Variants in MTA3 observed in about 807,000 individuals in gnomAD.
MTA3 encodes the protein metastasis-associated protein MTA3.
In MTA3, 34 loss-of-function variants were observed where a neutral mutation model predicts 83.5. The observed-to-expected ratio is 0.41, with a 90% confidence interval of 0.31 to 0.54. MTA3 has a LOEUF of 0.54. Among genes scored for constraint, MTA3 ranks in the 20% least tolerant of loss-of-function variants. The pLI, the probability that MTA3 is intolerant of heterozygous loss-of-function variation, is 0.33. For missense variants in MTA3, 761 were observed against 726.4 expected, an observed-to-expected ratio of 1.05 and a Z score of -0.55; for synonymous variants, 303 against 252.7, an observed-to-expected ratio of 1.20 and a Z score of -1.89.
intron 4 of MTA3, among the ~76,000 whole-genome samples, chr2:42,629,575 G>A (rs1042223403): frequency 6.6e-6 from 1 of 152,104 alleles, no homozygotes; most frequent in African/African-American, 2.4e-5. Flanking sequence ...CAAGGAGGTG[G>A]GAGGAAACCT....
Position 42,720,974 on chromosome 2 carries a change from A to T in MTA3, c.1612+1900A>T, listed in dbSNP as rs532128345. Among the ~76,000 whole-genome samples, 50 of 142,396 alleles carry T rather than the reference A, an allele frequency of 3.5e-4. 1 individual carries two copies. The East Asian group carries it at 9.9e-3, about 28-fold the overall frequency. 93.4% of individuals were successfully genotyped at this position (142,396 alleles called of 152,430 possible). Reference sequence around the variant, plus strand: ...CTCAAAAAAAAAAAAAAAAAAAAAAAGAAAAGAAAAGAAAAAAAGAATATA... The same window carrying T: ...CTCAAAAAAAAAAAAAAAAAAAAAATGAAAAGAAAAGAAAAAAAGAATATA... On this transcript the variant is annotated intron_variant, in intron 15 of 16. Transcript: ENST00000405094.
chr2:42,619,554 T>G (rs1344071275), intron 4 of MTA3, among the ~76,000 whole-genome samples: 3 of 152,156 alleles, frequency 2.0e-5, no homozygotes, highest in African/African-American at 7.2e-5. Context: ...TAAATAAATG[T>G]GGGATATATC....
At chr2:42,574,182 T>C (rs1039554627) in intron 2 of MTA3, among the ~76,000 whole-genome samples, 11 of 145,628 alleles carry the variant, frequency 7.6e-5, no homozygotes, top group African/African-American at 2.8e-4. Flanking sequence ...TTGCCCAGGC[T>C]GGAGTACAAT....
At position 42,755,163 on chromosome 2, in the gene MTA3, A is replaced by G; in HGVS notation, c.*1764A>G. The G allele has an allele frequency of 2.0e-6, 2 of 985,472 alleles. No individual in the cohort carries two copies. Among genetic ancestry groups the G allele is most frequent in the East Asian group, 1.1e-4 (1 of 8,810 alleles). 61.0% of individuals were successfully genotyped at this position (985,472 alleles called of 1,614,324 possible). ...TCACGTGGATGTTTCTTCCCTAAAG[A>G]AAAAGACACAGGAAAGCTGTCTGTC... On this transcript the variant is annotated 3_prime_UTR_variant, in exon 17 of 17. Coordinates refer to ENST00000405094, the MANE Select transcript of MTA3 (RefSeq NM_001330442.2).
At chr2:42,721,404 T>G (rs1667399424) in intron 15 of MTA3, among the ~76,000 whole-genome samples, 1 of 151,622 alleles carries the variant, frequency 6.6e-6, no homozygotes, top group East Asian at 1.9e-4. Flanking sequence ...CTTGGCTCAC[T>G]GCAACCTCCA....
At chr2:42,668,520 C>G (rs796923181) in intron 8 of MTA3, among the ~76,000 whole-genome samples, 8 of 152,180 alleles carry the variant, frequency 5.3e-5, no homozygotes, top group African/African-American at 1.9e-4. Flanking sequence ...GTAAAGTGTT[C>G]AGAGCAGTAT....
At chr2:42,569,113 C>G (rs969467437) in intron 1 of MTA3, among the ~76,000 whole-genome samples, 1 of 151,516 alleles carries the variant, frequency 6.6e-6, no homozygotes, top group African/African-American at 2.4e-5. Flanking sequence ...AGGTGGCCTT[C>G]TTGCGTGGCT....
At chr2:42,558,942 T>TC (rs1677532253) in intron 2 of MTA3, among the ~76,000 whole-genome samples, 1 of 151,974 alleles carries the variant, frequency 6.6e-6, no homozygotes, top group Non-Finnish European at 1.5e-5. Flanking sequence ...TCTCAGTAGT[T>TC]CCCCTGGAGC....
intron 3 of MTA3, among the ~76,000 whole-genome samples, chr2:42,587,582 T>C (rs1680495439): frequency 6.6e-6 from 1 of 152,076 alleles, no homozygotes; most frequent in Non-Finnish European, 1.5e-5. Flanking sequence ...GATTTTCCCT[T>C]CTTTTATTTA....
chr2:42,699,725 G>C (rs984513345), intron 11 of MTA3, among the ~76,000 whole-genome samples: 1 of 152,172 alleles, frequency 6.6e-6, no homozygotes, highest in African/African-American at 2.4e-5. Context: ...CTGTGGCAGA[G>C]AATCAGGTTA....
chr2:42,626,576 G>A (rs1048020278), intron 4 of MTA3, among the ~76,000 whole-genome samples: 3 of 151,840 alleles, frequency 2.0e-5, no homozygotes, highest in African/African-American at 4.8e-5. Flanking sequence ...GATTACAGGC[G>A]TGGGCCACCG....
chr2:42,741,529 A>T (rs926288168), intron 16 of MTA3, among the ~76,000 whole-genome samples: 1 of 152,184 alleles, frequency 6.6e-6, no homozygotes, highest in South Asian at 2.1e-4. Flanking sequence ...TTTTCGCTTC[A>T]ACACTTAAAA....
intron 9 of MTA3, among the ~76,000 whole-genome samples, chr2:42,689,838 C>CA (rs36044592): frequency 1.7e-3 from 237 of 139,344 alleles, no homozygotes; most frequent in Admixed American, 4.5e-3. Flanking sequence ...TTGAACTTTG[C>CA]AAAAAAAAAA....
intron 2 of MTA3, among the ~76,000 whole-genome samples, chr2:42,548,038 G>A (rs537600126): frequency 2.0e-5 from 3 of 152,306 alleles, no homozygotes; most frequent in Non-Finnish European, 2.9e-5. Flanking sequence ...CTGCCCTGTG[G>A]TCCTGATGGT....
At chr2:42,704,526 A>G (rs925685000) in intron 12 of MTA3, among the ~76,000 whole-genome samples, 3 of 152,204 alleles carry the variant, frequency 2.0e-5, no homozygotes, top group Non-Finnish European at 2.9e-5. Context: ...CACTCAAGTT[A>G]GGCATTGGAT....
In MTA3 at chr2:42,734,751, C is replaced by CA. The variant is rs1384922627; in HGVS notation, c.1759+11722dup. Among the ~76,000 whole-genome samples, 7 of 151,992 alleles carry CA rather than the reference C, an allele frequency of 4.6e-5. 1 individual carries two copies. The East Asian group carries it at 1.3e-3, about 29-fold the overall frequency. On this transcript the variant is annotated intron_variant, in intron 16 of 16. Transcript: ENST00000405094. ...TGATTTCTGGTTACCATAAGGCTTG[C>CA]AAAAAATATCTTATAACCTGTTATT...
intron 2 of MTA3, among the ~76,000 whole-genome samples, chr2:42,573,021 C>G: frequency 6.6e-6 from 1 of 152,134 alleles, no homozygotes; most frequent in East Asian, 1.9e-4. Flanking sequence ...GGCCACTGCG[C>G]CTGGCCAGGA....
chr2:42,597,886 T>A (rs1201531858), intron 3 of MTA3, among the ~76,000 whole-genome samples: 1 of 151,868 alleles, frequency 6.6e-6, no homozygotes, highest in Non-Finnish European at 1.5e-5. Flanking sequence ...TTTGCCACGT[T>A]GCCCAGGCTG....
intron 4 of MTA3, among the ~76,000 whole-genome samples, chr2:42,614,970 C>T (rs1317586415): frequency 1.0e-5 from 1 of 100,402 alleles, no homozygotes; most frequent in East Asian, 2.5e-4. Flanking sequence ...GAGCAAGACT[C>T]TGTCTTAAAA....
Sources: allele counts gnomAD v4.1 joint callset (sites outside exome capture counted in the v4.1 genomes callset), GRCh38; gene constraint gnomAD v4.1.1; transcripts MANE v1.5; gene names NCBI Gene and HGNC (gene_info 2026-07-23, HGNC 2026-07-21).